GALNT15: variants seen among roughly 807,000 people sequenced by gnomAD.
GALNT15 encodes the protein UDP-GalNAc transferase T15.
GALNT15 carries 67 observed loss-of-function variants against 66.8 expected under a neutral mutation model. That is an observed-to-expected ratio of 1.00 (90% CI 0.82 to 1.23). The LOEUF (loss-of-function observed/expected upper bound fraction) is 1.23. GALNT15 is among the 50% of genes most tolerant of loss of function. The probability of loss-of-function intolerance (pLI) is 0.00; values close to 1 mark genes in which losing one functional copy is unlikely to be tolerated. For synonymous variants in GALNT15, 313 were observed against 311.5 expected, an observed-to-expected ratio of 1.00 and a Z score of -0.05; for missense variants, 827 against 804.3, an observed-to-expected ratio of 1.03 and a Z score of -0.34.
the GALNT15 span, among the ~76,000 whole-genome samples, chr3:16,242,544 G>A: frequency 6.8e-4 from 104 of 152,078 alleles, 1 homozygote; most frequent in East Asian, 3.9e-4. This position sits in a 1 kb window ranked among gnomAD's most constrained non-coding sequence, Gnocchi z 5.6. Context: ...AATCTCTTGC[G>A]CCCAGGAATT....
Position 16,208,618 on chromosome 3 carries a change from C to T in GALNT15, c.1027C>T (p.Pro343Ser), listed in dbSNP as rs764306829. 1 of 1,614,108 alleles carries T rather than the reference C, an allele frequency of 6.2e-7. No homozygotes were observed. The highest frequency in any genetic ancestry group is 1.1e-5 in the South Asian group (1 of 91,068). ...CTGGAAGCTGGATTTCCACTGGGAA[C>T]CTTTGCCAGAGCATGTGAGGAAGGC... ...LDWKLDFHWEPLPEHVRKALQ... is the reference protein window; with the variant it reads ...LDWKLDFHWESLPEHVRKALQ... Residue 343 changes from proline (P) to serine (S), a missense_variant, in exon 4 of 10, where the codon CCT (proline) becomes TCT (serine). By Grantham distance (74) the Pro-to-Ser change is moderately conservative. Coordinates refer to ENST00000339732, the MANE Select transcript of GALNT15 (RefSeq NM_054110.5).
downstream of GALNT15, among the ~76,000 whole-genome samples, chr3:16,233,294 C>T (rs956806305): frequency 6.6e-5 from 10 of 151,604 alleles, no homozygotes; most frequent in Admixed American, 6.6e-4. Flanking sequence ...GGGGTTTCAC[C>T]ATGTTGGCCA....
intron 6 of GALNT15, among the ~76,000 whole-genome samples, chr3:16,217,596 C>T (rs569569542): frequency 1.3e-5 from 2 of 152,324 alleles, no homozygotes; most frequent in South Asian, 4.1e-4. Context: ...AAATCCTGGG[C>T]ACCCAAAAGA....
In GALNT15 at chr3:16,194,515, G is replaced by A. The variant is rs557924998; in HGVS notation, c.540-1245G>A. Among the ~76,000 whole-genome samples the A allele has an allele frequency of 5.3e-5, 8 of 152,270 alleles. No individual in the cohort carries two copies. In the East Asian group the frequency reaches 1.2e-3, roughly 22 times the overall value. ...TGTTCACTCTGATATTTCTTTTGCT[G>A]TGCAGAAGTGCACATGTATGTTTGT... On this transcript the variant is annotated intron_variant, in intron 1 of 9. Coordinates refer to ENST00000339732, the MANE Select transcript of GALNT15 (RefSeq NM_054110.5).
At chr3:16,197,001 G>A (rs917725473) in intron 2 of GALNT15, among the ~76,000 whole-genome samples, 1 of 152,212 alleles carries the variant, frequency 6.6e-6, no homozygotes, top group African/African-American at 2.4e-5. Flanking sequence ...CAGAGGCTCT[G>A]GGAACACCTG....
At position 16,188,843 on chromosome 3, in the gene GALNT15, AT is replaced by A. The variant is rs1287491115; in HGVS notation, c.540-6914del. On this transcript the variant is annotated intron_variant, in intron 1 of 9. Coordinates refer to ENST00000339732, the MANE Select transcript of GALNT15 (RefSeq NM_054110.5). The surrounding 1 kb of genome is among the most constrained non-coding windows in gnomAD (Gnocchi z 4.6). ...AAGCAGATGACAGGTCCTTAGCACC[AT>A]TTCCCTCTCTGTCCTCACTTCCACC... Among the ~76,000 whole-genome samples, 1 of 151,850 alleles carries A rather than the reference AT, an allele frequency of 6.6e-6. No individual in the cohort carries two copies. Among genetic ancestry groups the A allele is most frequent in the Non-Finnish European group, 1.5e-5 (1 of 67,982 alleles).
At position 16,220,017 on chromosome 3, in the gene GALNT15, G is replaced by A; in HGVS notation, c.1629+3G>A. The A allele has an allele frequency of 5.0e-6, 8 of 1,611,472 alleles. No homozygotes were observed. Among genetic ancestry groups the A allele is most frequent in the Non-Finnish European group, 6.8e-6 (8 of 1,177,534 alleles). ...GCAGTGACAGCCGGCAGCAACAGGT[G>A]GGTAGTCAGACTTCTCAGGATGGAT... On this transcript the variant is annotated splice_donor_region_variant and intron_variant, in intron 8 of 9. Coordinates refer to ENST00000339732, the MANE Select transcript of GALNT15 (RefSeq NM_054110.5).
In GALNT15 at chr3:16,175,677, G is replaced by A; in HGVS notation, c.526G>A (p.Val176Met). The change falls in exon 1 of 10, where the codon GTG (valine) becomes ATG (methionine). Residue 176 changes from valine to methionine, a missense_variant. Val to Met is a conservative substitution (Grantham distance 21). Coordinates refer to ENST00000339732, the MANE Select transcript of GALNT15 (RefSeq NM_054110.5). The surrounding 1 kb of genome is among the most constrained non-coding windows in gnomAD (Gnocchi z 5.6). ...CCCCCTCCAGAGGGCTCTGCCCGAG[G>A]TGCGGCACCCACTGTAAGTAAGGCC... ...RIPLQRALPEVRHPLCLQQHP... is the reference protein window; with the variant it reads ...RIPLQRALPEMRHPLCLQQHP... 1 of 1,588,774 alleles carries A rather than the reference G, an allele frequency of 6.3e-7. No individual in the cohort carries two copies. Among genetic ancestry groups the A allele is most frequent in the Non-Finnish European group, 8.6e-7 (1 of 1,166,736 alleles).
intron 9 of GALNT15, among the ~76,000 whole-genome samples, chr3:16,226,254 G>A (rs898756848): frequency 1.3e-5 from 2 of 152,108 alleles, no homozygotes; most frequent in Non-Finnish European, 2.9e-5. Context: ...AAATATTCTG[G>A]AAGTAGGTAG....
chr3:16,215,906 C>CAAAAAAAAAAAACAAAAAAAAAAAAA (rs1559690416), intron 6 of GALNT15, among the ~76,000 whole-genome samples: 10 of 102,626 alleles, frequency 9.7e-5, no homozygotes, highest in East Asian at 2.9e-4. Context: ...GAGACTCCGC[C>CAAAAAAAAAAAACAAAAAAAAAAAAA]AAAAAAAAAA....
Position 16,227,200 on chromosome 3 carries a change from A to G in GALNT15, c.1774-154A>G, listed in dbSNP as rs2064029501. On this transcript the variant is annotated intron_variant, in intron 9 of 9. Transcript: ENST00000339732. The surrounding 1 kb of genome is among the most constrained non-coding windows in gnomAD (Gnocchi z 4.5). ...CAAATTTTAGGGCTACCTAATTTAT[A>G]TTTTATGTTGATCAAAATACCACAA... Among the ~76,000 whole-genome samples the G allele has an allele frequency of 6.6e-6, 1 of 152,202 alleles. No homozygotes were observed. Among genetic ancestry groups the G allele is most frequent in the Admixed American group, 6.5e-5 (1 of 15,284 alleles).
At chr3:16,245,771 C>T in the GALNT15 span, among the ~76,000 whole-genome samples, 1 of 152,278 alleles carries the variant, frequency 6.6e-6, no homozygotes, top group East Asian at 1.9e-4. Context: ...GGACTGTAGC[C>T]GCAAACAGCT....
At chr3:16,196,510 C>G (rs902743675) in intron 2 of GALNT15, among the ~76,000 whole-genome samples, 2 of 152,172 alleles carry the variant, frequency 1.3e-5, no homozygotes. Flanking sequence ...TCACAGGAAC[C>G]TGGCTACTAG....
rs1369739979 is a variant in GALNT15, at chr3:16,189,687, C to A, written c.540-6073C>A. On this transcript the variant is annotated intron_variant, in intron 1 of 9. Transcript: ENST00000339732. This position sits in a 1 kb window ranked among gnomAD's most constrained non-coding sequence, Gnocchi z 5.1. ...GATATCCAGGCACATGAGAGGTTTGCAAGAATCAACAATAGCTAGCTAGCA... is the reference window on the plus strand; with the variant it reads ...GATATCCAGGCACATGAGAGGTTTGAAAGAATCAACAATAGCTAGCTAGCA... Among the ~76,000 whole-genome samples the A allele has an allele frequency of 6.6e-6, 1 of 152,202 alleles. No homozygotes were observed. Among genetic ancestry groups the A allele is most frequent in the Non-Finnish European group, 1.5e-5 (1 of 68,042 alleles).
intron 6 of GALNT15, among the ~76,000 whole-genome samples, chr3:16,215,904 G>T (rs1264380797): frequency 1.7e-5 from 1 of 59,910 alleles, no homozygotes; most frequent in Non-Finnish European, 2.7e-5. Flanking sequence ...GGGAGACTCC[G>T]CCAAAAAAAA....
rs952825641 is a variant in GALNT15 at position 16,219,064 on chromosome 3, C to T, written c.1393-339C>T. On this transcript the variant is annotated intron_variant, in intron 6 of 9. Transcript: ENST00000339732. This position sits in a 1 kb window ranked among gnomAD's most constrained non-coding sequence, Gnocchi z 4.3. ...CTCCTGACCTCAAGTGATCCACCAG[C>T]CTCGGCCTCCCAAAGTGCTGGAGGT... Among the ~76,000 whole-genome samples, 1 of 152,126 alleles carries T rather than the reference C, an allele frequency of 6.6e-6. No homozygotes were observed. The highest frequency in any genetic ancestry group is 2.4e-5 in the African/African-American group (1 of 41,426).
In GALNT15 at chr3:16,188,602, G is replaced by T. The variant is rs1459582840; in HGVS notation, c.540-7158G>T. On this transcript the variant is annotated intron_variant, in intron 1 of 9. Coordinates refer to ENST00000339732, the MANE Select transcript of GALNT15 (RefSeq NM_054110.5). The surrounding 1 kb of genome is among the most constrained non-coding windows in gnomAD (Gnocchi z 4.6). Reference sequence around the variant, plus strand: ...GCTCCCTTCAAACCTGAACAAAGGGGTTGGAGCACTAGGAGGGGATGGTGT... The same window carrying T: ...GCTCCCTTCAAACCTGAACAAAGGGTTTGGAGCACTAGGAGGGGATGGTGT... 1.3e-5 allele frequency among the ~76,000 whole-genome samples: 2 copies of T among 152,176 alleles called. No individual in the cohort carries two copies. Among genetic ancestry groups the T allele is most frequent in the East Asian group, 3.9e-4 (2 of 5,192 alleles).
At position 16,175,108 on chromosome 3, in the gene GALNT15, G is replaced by A. The variant is rs771018822; in HGVS notation, c.-44G>A. ...TTGAAGGAGCCTGGAGCGGGAGAAA[G>A]CTAACTTGAACATGACCTGTTGCAT... is the stretch of plus-strand genomic sequence containing the variant. On this transcript the variant is annotated 5_prime_UTR_variant, in exon 1 of 10. Coordinates refer to ENST00000339732, the MANE Select transcript of GALNT15 (RefSeq NM_054110.5). This position sits in a 1 kb window ranked among gnomAD's most constrained non-coding sequence, Gnocchi z 5.6. The A allele has an allele frequency of 6.4e-7, 1 of 1,566,748 alleles. No individual in the cohort carries two copies. The highest frequency in any genetic ancestry group is 1.7e-5 in the Admixed American group (1 of 57,816).
chr3:16,202,982 G>A (rs2063718585), intron 3 of GALNT15, among the ~76,000 whole-genome samples: 1 of 152,198 alleles, frequency 6.6e-6, no homozygotes, highest in Non-Finnish European at 1.5e-5. Context: ...TAAACTTTAT[G>A]TATGTGTAAC....
Sources: allele counts gnomAD v4.1 joint callset (sites outside exome capture counted in the v4.1 genomes callset), GRCh38; gene constraint gnomAD v4.1.1; non-coding constraint Gnocchi (gnomAD v3.1); transcripts MANE v1.5; gene names NCBI Gene and HGNC (gene_info 2026-07-23, HGNC 2026-07-21).